The following USP32 variants were observed in gnomAD, a reference collection of about 807,000 sequenced individuals.
USP32 encodes the protein ubiquitin carboxyl-terminal hydrolase 32.
USP32 carries 59 observed loss-of-function variants against 204.8 expected under a neutral mutation model. That is an observed-to-expected ratio of 0.29 (90% CI 0.23 to 0.36). The LOEUF is 0.36. USP32 is among the 10% of genes least tolerant of loss of function. The probability of loss-of-function intolerance (pLI) is 1.00; values close to 1 mark genes in which losing one functional copy is unlikely to be tolerated. For synonymous variants in USP32, 517 were observed against 678.4 expected, an observed-to-expected ratio of 0.76 and a Z score of 3.70; for missense variants, 1,160 against 1,946.4, an observed-to-expected ratio of 0.60 and a Z score of 7.60.
In USP32 at chr17:60,180,627, CCTGAATGGCA is replaced by C; in HGVS notation, c.4549_4558del (p.Cys1517GlufsTer50). ...GACGTAATGGCCCCCACCCAGAATT[CCTGAATGGCA>C]CTGTAAGAGATAAGAGAGTGGAGGT... is the stretch of plus-strand genomic sequence containing the variant. On this transcript the variant is annotated frameshift_variant and splice_region_variant, in exon 33 of 34. Transcript: ENST00000300896. LOFTEE classifies it high-confidence loss of function. 1.2e-6 allele frequency: 2 copies of C among 1,613,584 alleles called. No homozygotes were observed. Among genetic ancestry groups the C allele is most frequent in the Non-Finnish European group, 1.7e-6 (2 of 1,179,726 alleles).
chr17:60,404,502 AC>A (rs2089960553), intron 1 of USP32, among the ~76,000 whole-genome samples: 1 of 152,214 alleles, frequency 6.6e-6, no homozygotes, highest in Non-Finnish European at 1.5e-5. Flanking sequence ...CTACAAGAAG[AC>A]AATCTCGTTT....
intron 1 of USP32, among the ~76,000 whole-genome samples, chr17:60,351,018 G>T (rs189089042): frequency 6.6e-6 from 1 of 151,950 alleles, no homozygotes; most frequent in African/African-American, 2.4e-5. Context: ...GCCAACCCAA[G>T]AAAGTTAAAA....
chr17:60,375,036 T>A (rs6503962), intron 1 of USP32, among the ~76,000 whole-genome samples: 30,715 of 152,210 alleles, frequency 0.2, 7,523 homozygotes, highest in African/African-American at 0.59. Flanking sequence ...GGTGATGAGA[T>A]CATTAGTGAA....
intron 5 of USP32, among the ~76,000 whole-genome samples, chr17:60,288,231 A>G (rs1445347297): frequency 6.6e-6 from 1 of 151,632 alleles, no homozygotes; most frequent in Non-Finnish European, 1.5e-5. Context: ...CTTGAGCCCA[A>G]GAGTTCAAGA....
intron 1 of USP32, among the ~76,000 whole-genome samples, chr17:60,403,119 C>T (rs1598318992): frequency 6.6e-6 from 1 of 152,004 alleles, no homozygotes; most frequent in Non-Finnish European, 1.5e-5. Flanking sequence ...TTAAATGATT[C>T]TCCTGCCTCA....
intron 11 of USP32, among the ~76,000 whole-genome samples, chr17:60,238,065 CA>C (rs1156919560): frequency 1.3e-5 from 2 of 152,106 alleles, no homozygotes; most frequent in Non-Finnish European, 2.9e-5. Flanking sequence ...CCCTACTTGC[CA>C]AAACCTTCCA....
intron 1 of USP32, among the ~76,000 whole-genome samples, chr17:60,361,212 C>T (rs928914069): frequency 1.2e-4 from 19 of 152,238 alleles, no homozygotes; most frequent in African/African-American, 3.4e-4. Context: ...TACTTCCTCC[C>T]CTCAGTCCTA....
At chr17:60,327,302 A>G (rs2088265572) in intron 2 of USP32, among the ~76,000 whole-genome samples, 1 of 151,270 alleles carries the variant, frequency 6.6e-6, no homozygotes, top group African/African-American at 2.4e-5. Context: ...AGGGAGACAC[A>G]GGCAGTGGTG....
intron 1 of USP32, among the ~76,000 whole-genome samples, chr17:60,369,295 A>G (rs904360432): frequency 1.3e-5 from 2 of 151,518 alleles, no homozygotes; most frequent in East Asian, 4.0e-4. Context: ...CGCCCGGCCA[A>G]AAGATATTTT....
intron 1 of USP32, among the ~76,000 whole-genome samples, chr17:60,360,573 T>C (rs1374186599): frequency 6.6e-6 from 1 of 151,616 alleles, no homozygotes; most frequent in African/African-American, 2.4e-5. Context: ...GCAGGAGAAT[T>C]GCTTGAGCCT....
At chr17:60,344,959 G>A (rs553263122) in intron 2 of USP32, among the ~76,000 whole-genome samples, 5 of 152,054 alleles carry the variant, frequency 3.3e-5, no homozygotes, top group South Asian at 2.1e-4. Flanking sequence ...CAGTGGCGCC[G>A]GTTAAACATA....
At chr17:60,322,644 C>G (rs1451661227) in intron 2 of USP32, among the ~76,000 whole-genome samples, 1 of 152,040 alleles carries the variant, frequency 6.6e-6, no homozygotes, top group Non-Finnish European at 1.5e-5. Context: ...AGGAGATAGT[C>G]CCTGGGTTCT....
intron 28 of USP32, among the ~76,000 whole-genome samples, chr17:60,191,441 A>T: frequency 6.9e-6 from 1 of 144,144 alleles, no homozygotes; most frequent in Non-Finnish European, 1.5e-5. Flanking sequence ...ATAGAGTTGC[A>T]GAGGTGGGGT....
intron 1 of USP32, among the ~76,000 whole-genome samples, chr17:60,400,911 T>G (rs75777534): frequency 1.1e-3 from 165 of 152,132 alleles, no homozygotes; most frequent in African/African-American, 3.8e-3. Context: ...TGATCCCAGC[T>G]CTTTGGGATG....
intron 6 of USP32, among the ~76,000 whole-genome samples, chr17:60,270,991 G>A (rs73316897): frequency 0.044 from 6,747 of 152,126 alleles, 537 homozygotes; most frequent in African/African-American, 0.15. Context: ...AGGAAGAGAC[G>A]AGGTCATGTG....
At chr17:60,253,509 T>C (rs2086219449) in intron 10 of USP32, among the ~76,000 whole-genome samples, 1 of 152,020 alleles carries the variant, frequency 6.6e-6, no homozygotes, top group Admixed American at 6.5e-5. Flanking sequence ...CTCATATCTA[T>C]AATCCTAGCA....
chr17:60,297,470 A>G (rs1207530976), intron 3 of USP32, among the ~76,000 whole-genome samples: 1 of 149,854 alleles, frequency 6.7e-6, no homozygotes, highest in African/African-American at 2.5e-5. Flanking sequence ...TCTTTTTGAG[A>G]CAGAGTCTTG....
chr17:60,322,457 AC>A (rs2088136504), intron 2 of USP32, among the ~76,000 whole-genome samples: 2 of 152,218 alleles, frequency 1.3e-5, no homozygotes, highest in Non-Finnish European at 2.9e-5. Context: ...GTAAATCTTC[AC>A]AAAAATTTAT....
At chr17:60,306,329 G>T (rs2087721548) in intron 2 of USP32, among the ~76,000 whole-genome samples, 1 of 152,080 alleles carries the variant, frequency 6.6e-6, no homozygotes, top group Non-Finnish European at 1.5e-5. Context: ...CAAGACTTTT[G>T]TTTTAAAATC....
Sources: gnomAD v4.1 joint callset for allele counts (sites outside exome capture counted in the v4.1 genomes callset) on GRCh38, gnomAD v4.1.1 for gene constraint, MANE v1.5 for transcripts, NCBI Gene and HGNC (gene_info 2026-07-23, HGNC 2026-07-21) for gene names.